C6orf118: variants seen among roughly 807,000 people sequenced by gnomAD.
C6orf118 encodes the protein chromosome 6 open reading frame 118.
A neutral mutation model predicts 50.2 loss-of-function variants in C6orf118; 50 were observed. The observed-to-expected ratio is 1.00, with a 90% CI of 0.79 to 1.26. C6orf118 has a LOEUF of 1.26. C6orf118 is among the 50% of genes most tolerant of loss of function. The pLI is 0.00. For missense variants in C6orf118, 641 were observed against 578.7 expected (o/e 1.11, Z -1.10); for synonymous variants, 239 against 230.9 (o/e 1.03, Z -0.32).
chr6:165,293,159 T>A (rs1393214287), intron 6 of C6orf118: 1 of 439,852 alleles, frequency 2.3e-6, no homozygotes, highest in Non-Finnish European at 4.1e-6. Context: ...TAAAATGCAA[T>A]TAATTCCTCA....
chr6:165,299,531 G>A, intron 3 of C6orf118, 29 bp from the exon 4 acceptor site: 6 of 1,602,936 alleles, frequency 3.7e-6, no homozygotes, highest in Non-Finnish European at 5.1e-6. Context: ...AAGTCCACTG[G>A]CCATGTATGA....
In C6orf118 at chr6:165,280,075, G is replaced by T. The variant is rs774946420; in HGVS notation, c.1392C>A (p.Ile464=). 6.2e-7 allele frequency: 1 copy of T among 1,607,668 alleles called. No individual in the cohort carries two copies. ...PLEIYQGICK[I]RGNRR ...TTGAGCGTTATCTTCTGTTTCCTCTGATTTTACAAATTCCTTGATAAATTT... is the reference window on the plus strand; with the variant it reads ...TTGAGCGTTATCTTCTGTTTCCTCTTATTTTACAAATTCCTTGATAAATTT... Residue 464 remains isoleucine, a synonymous_variant, in exon 9 of 9, where the codon ATC becomes ATA. Coordinates refer to ENST00000230301, the MANE Select transcript of C6orf118 (RefSeq NM_144980.4).
intron 7 of C6orf118, among the ~76,000 whole-genome samples, chr6:165,288,829 G>T (rs556606383): frequency 6.6e-6 from 1 of 151,986 alleles, no homozygotes; most frequent in Non-Finnish European, 1.5e-5. Flanking sequence ...GCTAATGCAT[G>T]TTGGGTTTAA....
intron 7 of C6orf118, among the ~76,000 whole-genome samples, chr6:165,282,644 G>T (rs1779766220): frequency 6.3e-5 from 2 of 31,776 alleles, no homozygotes; most frequent in African/African-American, 1.2e-4. Context: ...AATACATTCA[G>T]CTCTTTTTTT....
At chr6:165,294,029 G>A (rs60283638) in intron 5 of C6orf118, among the ~76,000 whole-genome samples, 3,152 of 151,920 alleles carry the variant, frequency 0.021, 108 homozygotes, top group African/African-American at 0.071. Flanking sequence ...GGCAGATCAC[G>A]AGGTCAGGAA....
chr6:165,293,432 C>T lies in C6orf118; in HGVS notation c.1101G>A (p.Gln367=). The T allele has an allele frequency of 1.2e-6, 2 of 1,613,942 alleles. No individual in the cohort carries two copies. Among genetic ancestry groups the T allele is most frequent in the Non-Finnish European group, 1.7e-6 (2 of 1,179,796 alleles). The change falls in exon 6 of 9, where the codon CAG becomes CAA. Residue 367 remains glutamine, a synonymous_variant. Coordinates refer to ENST00000230301, the MANE Select transcript of C6orf118 (RefSeq NM_144980.4). ...ACCTGCCTGATCGTTCCTTTGCAGA[C>T]TGCAGCAATGCCACCTCCATCTCCA... ...SELEMEVALL[Q]SAKERSESSE... is the part of the protein sequence containing the mutation.
chr6:165,294,063 G>A (rs536770758), intron 5 of C6orf118, among the ~76,000 whole-genome samples: 12 of 151,992 alleles, frequency 7.9e-5, no homozygotes, highest in Non-Finnish European at 1.2e-4. Flanking sequence ...TGGCTAACAC[G>A]GTGAAACCCC....
At chr6:165,285,559 C>T (rs1165951017) in intron 7 of C6orf118, among the ~76,000 whole-genome samples, 1 of 151,556 alleles carries the variant, frequency 6.6e-6, no homozygotes, top group Non-Finnish European at 1.5e-5. Context: ...AAGTAAAACA[C>T]TCCTCAGCAA....
chr6:165,286,991 C>T (rs1262248758), intron 7 of C6orf118, among the ~76,000 whole-genome samples: 1 of 152,146 alleles, frequency 6.6e-6, no homozygotes, highest in African/African-American at 2.4e-5. Context: ...GTTGAATTGT[C>T]TCTGTTTGCA....
chr6:165,284,865 A>T (rs981025686), intron 7 of C6orf118, among the ~76,000 whole-genome samples: 1 of 152,054 alleles, frequency 6.6e-6, no homozygotes, highest in African/African-American at 2.4e-5. Context: ...CAGCCACTAC[A>T]AAAACACACA....
chr6:165,295,097 T>C (rs538855532), intron 5 of C6orf118, among the ~76,000 whole-genome samples: 273 of 152,330 alleles, frequency 1.8e-3, no homozygotes, highest in Middle Eastern at 0.01. Flanking sequence ...TTCTATTTCA[T>C]CTACTTTTTC....
intron 4 of C6orf118, among the ~76,000 whole-genome samples, chr6:165,299,044 A>G (rs1165755239): frequency 6.6e-6 from 1 of 152,250 alleles, no homozygotes; most frequent in East Asian, 1.9e-4. Flanking sequence ...GAACACCTGG[A>G]ACGCTGTCAC....
chr6:165,299,367 A>G (rs1562332708), intron 4 of C6orf118, 76 bp downstream of exon 4: 9 of 1,346,726 alleles, frequency 6.7e-6, no homozygotes, highest in Non-Finnish European at 8.5e-6. Context: ...TGGATTCAGA[A>G]AGGTTTCCAC....
chr6:165,293,550 G>A (rs1337601054), intron 5 of C6orf118, 79 bp from the exon 6 acceptor site: 9 of 1,101,472 alleles, frequency 8.2e-6, no homozygotes, highest in Non-Finnish European at 1.2e-5. Context: ...TACACCACAA[G>A]TCTCTTACAG....
At position 165,281,935 on chromosome 6, in the gene C6orf118, A is replaced by C. The variant is rs1779743524; in HGVS notation, c.1303-242T>G. 2.2e-5 allele frequency: 6 copies of C among 268,560 alleles called. No individual in the cohort carries two copies. The South Asian group carries it at 5.8e-4, about 26-fold the overall frequency. 16.6% of individuals were successfully genotyped at this position (268,560 alleles called of 1,614,324 possible). A position where few individuals can be genotyped will look rare whatever the true frequency, so the allele number is the denominator to read the frequency against. On this transcript the variant is annotated intron_variant, in intron 7 of 8. Transcript: ENST00000230301. ...AAATTGATGTTTCAAAATATCAGAA[A>C]ATTTTAGGGAAATTCCAGAAGTGAA... is the stretch of plus-strand genomic sequence containing the variant.
intron 7 of C6orf118, among the ~76,000 whole-genome samples, chr6:165,285,053 G>A (rs1779855598): frequency 6.6e-6 from 1 of 152,180 alleles, no homozygotes; most frequent in East Asian, 1.9e-4. Context: ...CCATCAGTGT[G>A]CTGTATTCAA....
rs751318922 is a variant in C6orf118 at position 165,293,337 on chromosome 6, A to G, written c.1120+76T>C. 3.8e-6 allele frequency: 5 copies of G among 1,323,052 alleles called. No homozygotes were observed. The Admixed American group carries it at 5.0e-5, about 13-fold the overall frequency. The allele number at this position is 1,323,052 out of a possible 1,614,324, so 82.0% of individuals were successfully genotyped here. A position where few individuals can be genotyped will look rare whatever the true frequency, so the allele number is the denominator to read the frequency against. ...GCATCTTCCAAGTTGACAGACAGGC[A>G]GCCACACTGCAGCAGCTGAAATAAT... On this transcript the variant is annotated intron_variant, in intron 6 of 8. Coordinates refer to ENST00000230301, the MANE Select transcript of C6orf118 (RefSeq NM_144980.4).
At chr6:165,281,522 AT>A (rs1779730852) in intron 8 of C6orf118, 117 bp downstream of exon 8, 1 of 1,424,352 alleles carries the variant, frequency 7.0e-7, no homozygotes, top group Non-Finnish European at 9.2e-7. Context: ...TCTGCTTCAC[AT>A]GGTTTTCAGT....
chr6:165,281,373 G>A (rs936087761), intron 8 of C6orf118: 1 of 395,854 alleles, frequency 2.5e-6, no homozygotes, highest in Non-Finnish European at 3.9e-6. Context: ...AAGCATTCAT[G>A]AGTGTGAACC....
Sources: gnomAD v4.1 joint callset for allele counts (sites outside exome capture counted in the v4.1 genomes callset) on GRCh38, gnomAD v4.1.1 for gene constraint, MANE v1.5 for transcripts, NCBI Gene and HGNC (gene_info 2026-07-23, HGNC 2026-07-21) for gene names.